Variants in QTMAN observed in about 807,000 individuals in gnomAD.
The protein encoded by QTMAN is queuosine-tRNA mannosyltransferase, also known as tRNA-queuosine alpha-mannosyltransferase.
At chr2:144,134,711 C>T in the QTMAN span, among the ~76,000 whole-genome samples, 1 of 151,996 alleles carries the variant, frequency 6.6e-6, no homozygotes, top group Admixed American at 6.6e-5. Flanking sequence ...CTAAGTTGGA[C>T]CTGAAACCCA....
chr2:143,988,870 T>C, the QTMAN span, among the ~76,000 whole-genome samples: 1 of 152,370 alleles, frequency 6.6e-6, no homozygotes, highest in South Asian at 2.1e-4. Flanking sequence ...GGTACTATAG[T>C]TGAAATTCAT....
chr2:144,164,707 G>A, the QTMAN span, among the ~76,000 whole-genome samples: 1 of 152,076 alleles, frequency 6.6e-6, no homozygotes. Flanking sequence ...TCCAAACACA[G>A]TGCAGTGTGC....
chr2:143,982,425 T>C, the QTMAN span, among the ~76,000 whole-genome samples: 5 of 150,832 alleles, frequency 3.3e-5, no homozygotes, highest in African/African-American at 1.2e-4. Flanking sequence ...AGAGACGGGG[T>C]TTCACCATGT....
At chr2:144,236,695 T>A in the QTMAN span, among the ~76,000 whole-genome samples, 4 of 151,788 alleles carry the variant, frequency 2.6e-5, no homozygotes, top group Non-Finnish European at 5.9e-5. Flanking sequence ...TCCCAAACAG[T>A]CTACATAACA....
the QTMAN span, among the ~76,000 whole-genome samples, chr2:144,070,994 G>T: frequency 1.1e-4 from 16 of 152,106 alleles, no homozygotes; most frequent in African/African-American, 3.6e-4. Context: ...GTCATGATGG[G>T]ATGTCCTGCT....
At chr2:143,999,382 G>C in the QTMAN span, among the ~76,000 whole-genome samples, 1 of 151,240 alleles carries the variant, frequency 6.6e-6, no homozygotes, top group Non-Finnish European at 1.5e-5. Context: ...TGGAAAGGCA[G>C]GTAACACCAC....
the QTMAN span, among the ~76,000 whole-genome samples, chr2:144,036,306 C>A: frequency 2.0e-5 from 3 of 152,056 alleles, no homozygotes; most frequent in African/African-American, 7.2e-5. Context: ...AAAGGAAAAG[C>A]CTTGGCTGCA....
chr2:144,291,748 C>T, the QTMAN span, among the ~76,000 whole-genome samples: 5 of 152,178 alleles, frequency 3.3e-5, no homozygotes, highest in Non-Finnish European at 1.5e-5. Context: ...CTTGACAATT[C>T]TCCTACCTTA....
chr2:144,253,206 T>C, the QTMAN span, among the ~76,000 whole-genome samples: 1 of 152,186 alleles, frequency 6.6e-6, no homozygotes, highest in Non-Finnish European at 1.5e-5. Flanking sequence ...TCCGCCATAA[T>C]GGTTCTCCTG....
the QTMAN span, among the ~76,000 whole-genome samples, chr2:144,267,297 A>G: frequency 6.6e-6 from 1 of 152,252 alleles, no homozygotes; most frequent in Non-Finnish European, 1.5e-5. Flanking sequence ...AAGGAAAAGT[A>G]CAAACCCACC....
At chr2:144,042,475 G>C in the QTMAN span, among the ~76,000 whole-genome samples, 2 of 152,090 alleles carry the variant, frequency 1.3e-5, no homozygotes, top group African/African-American at 4.8e-5. Flanking sequence ...AACAATGAAG[G>C]CCGGGCGTGG....
chr2:143,990,611 C>T, the QTMAN span, among the ~76,000 whole-genome samples: 1 of 152,198 alleles, frequency 6.6e-6, no homozygotes. Context: ...TAATCTCACA[C>T]TGGGCTGGTA....
the QTMAN span, among the ~76,000 whole-genome samples, chr2:144,247,096 G>GAA: frequency 7.9e-5 from 12 of 152,258 alleles, no homozygotes; most frequent in Non-Finnish European, 1.5e-4. Context: ...AGACAAGAAG[G>GAA]AAAACACTAT....
the QTMAN span, among the ~76,000 whole-genome samples, chr2:143,998,873 T>C: frequency 6.6e-6 from 1 of 152,066 alleles, no homozygotes; most frequent in African/African-American, 2.4e-5. Flanking sequence ...CAAGAAACCA[T>C]AGGCTTTGTA....
the QTMAN span, among the ~76,000 whole-genome samples, chr2:144,108,449 C>T: frequency 6.6e-6 from 1 of 152,076 alleles, no homozygotes; most frequent in Admixed American, 6.5e-5. Flanking sequence ...ACCACCTTGG[C>T]TAACATGGTG....
the QTMAN span, chr2:144,145,488 A>C: frequency 1.4e-5 from 13 of 917,168 alleles, no homozygotes; most frequent in Non-Finnish European, 2.2e-5. Flanking sequence ...GGTGTACAAT[A>C]GTAGGTCTCC....
At chr2:144,127,234 C>A in the QTMAN span, among the ~76,000 whole-genome samples, 1 of 152,094 alleles carries the variant, frequency 6.6e-6, no homozygotes, top group East Asian at 1.9e-4. Flanking sequence ...TAACAGCCCT[C>A]TTCCACAGTG....
chr2:144,038,358 ATG>A, the QTMAN span, among the ~76,000 whole-genome samples: 1,168 of 152,224 alleles, frequency 7.7e-3, 16 homozygotes, highest in African/African-American at 0.026. Context: ...TATATTACAT[ATG>A]TGTGTTATAT....
At chr2:144,282,517 T>G in the QTMAN span, among the ~76,000 whole-genome samples, 4 of 151,924 alleles carry the variant, frequency 2.6e-5, no homozygotes, top group African/African-American at 9.7e-5. Context: ...AATAAATGTA[T>G]AAAAACCTCT....
Sources: gnomAD v4.1 joint callset for allele counts (sites outside exome capture counted in the v4.1 genomes callset) on GRCh38, gnomAD v4.1.1 for gene constraint, MANE v1.5 for transcripts, NCBI Gene and HGNC (gene_info 2026-07-23, HGNC 2026-07-21) for gene names.